The following ENTREP1 variants were observed in gnomAD, a reference collection of about 807,000 sequenced individuals.
The protein encoded by ENTREP1 is Friedreich ataxia region gene X123.
At chr9:69,349,053 G>A in the ENTREP1 span, among the ~76,000 whole-genome samples, 1 of 151,752 alleles carries the variant, frequency 6.6e-6, no homozygotes, top group Non-Finnish European at 1.5e-5. Flanking sequence ...GCATGGTGGC[G>A]GGCACCTGTA....
the ENTREP1 span, chr9:69,329,495 T>C: frequency 1.0e-6 from 1 of 982,194 alleles, no homozygotes; most frequent in African/African-American, 1.7e-5. Context: ...TAACAAATTC[T>C]ATAAAGCATC....
the ENTREP1 span, among the ~76,000 whole-genome samples, chr9:69,367,672 CATAT>C: frequency 3.5e-5 from 4 of 113,666 alleles, no homozygotes; most frequent in African/African-American, 1.4e-4. Context: ...TATATACACA[CATAT>C]ATAAATATAT....
chr9:69,335,751 T>C, the ENTREP1 span, among the ~76,000 whole-genome samples: 1 of 105,972 alleles, frequency 9.4e-6, no homozygotes, highest in Non-Finnish European at 2.1e-5. Context: ...AAATAGTGAT[T>C]CCTCACTCAC....
At chr9:69,365,859 C>T in the ENTREP1 span, among the ~76,000 whole-genome samples, 2 of 152,112 alleles carry the variant, frequency 1.3e-5, no homozygotes, top group Non-Finnish European at 2.9e-5. Flanking sequence ...AACAGGATTT[C>T]ATTCTTTTTT....
At chr9:69,340,614 TGTGTGTGTGCA>T in the ENTREP1 span, among the ~76,000 whole-genome samples, 1 of 69,050 alleles carries the variant, frequency 1.4e-5, no homozygotes, top group African/African-American at 6.5e-5. Context: ...TGTGTGTGCA[TGTGTGTGTGCA>T]TGTGTGTGTG....
chr9:69,368,225 T>C, the ENTREP1 span, among the ~76,000 whole-genome samples: 2 of 152,176 alleles, frequency 1.3e-5, no homozygotes, highest in African/African-American at 4.8e-5. Context: ...GGACTTCTAG[T>C]ACTGTGTTGA....
the ENTREP1 span, among the ~76,000 whole-genome samples, chr9:69,384,865 G>C: frequency 6.6e-6 from 1 of 151,956 alleles, no homozygotes; most frequent in African/African-American, 2.4e-5. Flanking sequence ...TTATGAAGCA[G>C]TGTTCTGTCT....
the ENTREP1 span, chr9:69,386,557 A>G: frequency 6.6e-6 from 1 of 152,234 alleles, no homozygotes; most frequent in Non-Finnish European, 1.5e-5. Flanking sequence ...TCTTCATTGT[A>G]GAAAATTATA....
chr9:69,346,911 A>C, the ENTREP1 span, among the ~76,000 whole-genome samples: 3 of 152,216 alleles, frequency 2.0e-5, no homozygotes, highest in African/African-American at 7.2e-5. Context: ...TGGCATTTTG[A>C]GTTCCACCTT....
chr9:69,386,247 C>T, the ENTREP1 span: 1 of 219,078 alleles, frequency 4.6e-6, no homozygotes, highest in Non-Finnish European at 8.9e-6. Flanking sequence ...ACACCTAGTT[C>T]TGATTTCTAG....
chr9:69,340,244 G>T, the ENTREP1 span, among the ~76,000 whole-genome samples: 1 of 152,134 alleles, frequency 6.6e-6, no homozygotes, highest in Non-Finnish European at 1.5e-5. Flanking sequence ...CTTTTTCAGG[G>T]CCCTTTGAAA....
chr9:69,343,743 A>G, the ENTREP1 span, among the ~76,000 whole-genome samples: 1 of 152,346 alleles, frequency 6.6e-6, no homozygotes, highest in South Asian at 2.1e-4. Flanking sequence ...CAAGGTAATA[A>G]TTTCATCAAT....
the ENTREP1 span, chr9:69,375,656 C>A: frequency 8.8e-7 from 1 of 1,137,544 alleles, no homozygotes; most frequent in Non-Finnish European, 1.3e-6. Context: ...TCTCATTCTA[C>A]AGGATTGGTG....
chr9:69,359,363 C>T, the ENTREP1 span, among the ~76,000 whole-genome samples: 4 of 152,152 alleles, frequency 2.6e-5, no homozygotes, highest in African/African-American at 7.2e-5. Flanking sequence ...TGTCCCCACC[C>T]AAATTTCATC....
chr9:69,371,349 A>C, the ENTREP1 span: 1 of 743,986 alleles, frequency 1.3e-6, no homozygotes, highest in African/African-American at 1.7e-5. Context: ...CTAAAATGTG[A>C]AAAAAAGTTT....
chr9:69,369,907 T>C, the ENTREP1 span, among the ~76,000 whole-genome samples: 1 of 152,214 alleles, frequency 6.6e-6, no homozygotes, highest in Admixed American at 6.5e-5. Flanking sequence ...GCTTGTCTCT[T>C]TATTATTGAT....
chr9:69,356,354 T>C, the ENTREP1 span, among the ~76,000 whole-genome samples: 8 of 152,238 alleles, frequency 5.3e-5, no homozygotes, highest in Admixed American at 2.0e-4. Flanking sequence ...TTCCATGGTA[T>C]GTACTGGACC....
chr9:69,387,711 A>G, the ENTREP1 span: 8 of 369,182 alleles, frequency 2.2e-5, no homozygotes, highest in Admixed American at 7.8e-5. Flanking sequence ...AGAGCATTAC[A>G]TTCATCTGAC....
chr9:69,362,375 A>T, the ENTREP1 span, among the ~76,000 whole-genome samples: 1 of 152,214 alleles, frequency 6.6e-6, no homozygotes, highest in South Asian at 2.1e-4. Flanking sequence ...TTCCCCAAAC[A>T]TTCTTTCATT....
Sources: allele counts gnomAD v4.1 joint callset (sites outside exome capture counted in the v4.1 genomes callset), GRCh38; gene constraint gnomAD v4.1.1; transcripts MANE v1.5; gene names NCBI Gene and HGNC (gene_info 2026-07-23, HGNC 2026-07-21).